Variants in GAB2 observed in about 807,000 individuals in gnomAD.
The protein encoded by GAB2 is GRB2 associated binding protein 2.
Under a neutral mutation model 65.5 loss-of-function variants are expected in GAB2, and 26 were observed. That is an observed-to-expected ratio of 0.40 (90% CI 0.29 to 0.55). The LOEUF is 0.55. Ranked by LOEUF, GAB2 falls within the 20% of genes least tolerant of loss-of-function variation. GAB2 has a pLI of 0.53. For synonymous variants in GAB2, 321 were observed against 329.6 expected (o/e 0.97, Z 0.28); for missense variants, 884 against 875.8 (o/e 1.01, Z -0.12).
Position 78,280,863 on chromosome 11 carries a change from C to T in GAB2, c.114G>A (p.Arg38=). The change falls in exon 2 of 10, where the codon CGG becomes CGA. Residue 38 remains arginine, a synonymous_variant. Coordinates refer to ENST00000361507, the MANE Select transcript of GAB2 (RefSeq NM_080491.3). ...KKRWFILRSG[R]MSGDPDVLEY... ...CCAGAACATCTGGGTCACCGCTCAT[C>T]CGGCCACTCCGCAGGATAAACCAGC... 1 of 1,614,154 alleles carries T rather than the reference C, an allele frequency of 6.2e-7. No individual in the cohort carries two copies. The highest frequency in any genetic ancestry group is 1.1e-5 in the South Asian group (1 of 91,084).
At chr11:78,361,088 T>C (rs1856429111) in intron 1 of GAB2, among the ~76,000 whole-genome samples, 1 of 152,196 alleles carries the variant, frequency 6.6e-6, no homozygotes, top group South Asian at 2.1e-4. Flanking sequence ...TGGTTACTAA[T>C]GCATAAAATG....
chr11:78,364,443 G>C lies in GAB2; in HGVS notation c.75+53203C>G, dbSNP rs374962930. On this transcript the variant is annotated intron_variant, in intron 1 of 9. Coordinates refer to ENST00000361507, the MANE Select transcript of GAB2 (RefSeq NM_080491.3). ...GTAGCACAGTATCTATAAATACAAT[G>C]AACTTAAAAGTTTCAATAAATATCC... Among the ~76,000 whole-genome samples the C allele has an allele frequency of 1.2e-4, 19 of 152,254 alleles. No individual in the cohort carries two copies. The East Asian group carries it at 3.7e-3, about 29-fold the overall frequency.
chr11:78,415,511 G>A (rs569237435), intron 1 of GAB2, among the ~76,000 whole-genome samples: 12 of 152,328 alleles, frequency 7.9e-5, no homozygotes, highest in African/African-American at 2.9e-4. Flanking sequence ...GAGGCTTAAG[G>A]TTACACATAT....
At chr11:78,403,838 T>A (rs1310728029) in intron 1 of GAB2, among the ~76,000 whole-genome samples, 1 of 152,080 alleles carries the variant, frequency 6.6e-6, no homozygotes, top group African/African-American at 2.4e-5. Context: ...AAACTACTCA[T>A]CTGACAAGGG....
chr11:78,300,695 G>GTTTTTTTTTTTTTTTTTTTTTT (rs769243672), intron 1 of GAB2, among the ~76,000 whole-genome samples: 1 of 113,252 alleles, frequency 8.8e-6, no homozygotes. Flanking sequence ...GTTTTTTTTT[G>GTTTTTTTTTTTTTTTTTTTTTT]TTTTTTTTTT....
chr11:78,251,817 A>AC (rs1185925816), intron 2 of GAB2, among the ~76,000 whole-genome samples: 1 of 152,172 alleles, frequency 6.6e-6, no homozygotes. Flanking sequence ...TCCTTGTCTA[A>AC]CCCATGGCTT....
In GAB2 at chr11:78,222,155, G is replaced by A. The variant is rs745538313; in HGVS notation, c.1608C>T (p.Ile536=). The A allele has an allele frequency of 2.7e-5, 44 of 1,613,870 alleles. No homozygotes were observed. The highest frequency in any genetic ancestry group is 3.4e-5 in the Non-Finnish European group (40 of 1,179,874). The change falls in exon 7 of 10, where the codon ATC becomes ATT. Residue 536 remains isoleucine (I), a synonymous_variant. Coordinates refer to ENST00000361507, the MANE Select transcript of GAB2 (RefSeq NM_080491.3). ...TPLDLRNNTV[I]DELPFKSPIT... Reference sequence around the variant, plus strand: ...TAGGTGACTTGAAGGGGAGTTCATCGATGACGGTGTTGTTCCTCAGGTCAA... The same window carrying A: ...TAGGTGACTTGAAGGGGAGTTCATCAATGACGGTGTTGTTCCTCAGGTCAA...
chr11:78,255,086 T>G (rs1865561146), intron 2 of GAB2, among the ~76,000 whole-genome samples: 2 of 152,118 alleles, frequency 1.3e-5, no homozygotes. Flanking sequence ...CCTCATCCAA[T>G]GAACTGGTAT....
In GAB2 at chr11:78,403,273, C is replaced by T. The variant is rs188260549; in HGVS notation, c.75+14373G>A. On this transcript the variant is annotated intron_variant, in intron 1 of 9. Coordinates refer to ENST00000361507, the MANE Select transcript of GAB2 (RefSeq NM_080491.3). ...AAAAACTGCTAGGGTTACCCTATAG[C>T]TTAAAAAGAAAATTAATAATTGCTT... Among the ~76,000 whole-genome samples, 632 of 152,284 alleles carry T rather than the reference C, an allele frequency of 4.2e-3. 3 individuals are homozygous for T. The highest frequency in any genetic ancestry group is 6.7e-3 in the Non-Finnish European group (453 of 68,008).
intron 1 of GAB2, among the ~76,000 whole-genome samples, chr11:78,343,419 G>A (rs1229090333): frequency 6.6e-6 from 1 of 150,802 alleles, no homozygotes; most frequent in Non-Finnish European, 1.5e-5. Flanking sequence ...GGAGGGAGGA[G>A]AGGGAGACAG....
At chr11:78,371,540 G>A (rs953776409) in intron 1 of GAB2, among the ~76,000 whole-genome samples, 2 of 152,152 alleles carry the variant, frequency 1.3e-5, no homozygotes, top group African/African-American at 2.4e-5. Context: ...ACAACCTCAC[G>A]TTATACTGCT....
At position 78,215,733 on chromosome 11, in the gene GAB2, C is replaced by G. The variant is rs1590929385; in HGVS notation, c.*3539G>C. 6.6e-6 allele frequency: 1 copy of G among 152,260 alleles called. No individual in the cohort carries two copies. The highest frequency in any genetic ancestry group is 2.1e-4 in the South Asian group (1 of 4,812). The allele number at this position is 152,260 out of a possible 1,614,324, so 9.4% of individuals were successfully genotyped here. A position where few individuals can be genotyped will look rare whatever the true frequency, so the allele number is the denominator to read the frequency against. ...CTCGGCAGGTACCCCATTGTGGTCC[C>G]AGGTCCTAAACAGCAGGGCTAGTCC... is the stretch of plus-strand genomic sequence containing the variant. On this transcript the variant is annotated 3_prime_UTR_variant, in exon 10 of 10. Coordinates refer to ENST00000361507, the MANE Select transcript of GAB2 (RefSeq NM_080491.3).
chr11:78,305,838 C>G (rs1855345332), intron 1 of GAB2, among the ~76,000 whole-genome samples: 2 of 152,184 alleles, frequency 1.3e-5, no homozygotes, highest in Admixed American at 6.5e-5. Context: ...CAAAAGTTTG[C>G]AGATTCCAAC....
At chr11:78,257,053 AATCAC>A (rs1427369677) in intron 2 of GAB2, among the ~76,000 whole-genome samples, 1 of 151,744 alleles carries the variant, frequency 6.6e-6, no homozygotes, top group Non-Finnish European at 1.5e-5. Context: ...GGCCCTACAG[AATCAC>A]TCCCCTTCCT....
At chr11:78,284,748 A>G (rs963886974) in intron 1 of GAB2, among the ~76,000 whole-genome samples, 2 of 151,678 alleles carry the variant, frequency 1.3e-5, no homozygotes, top group East Asian at 3.9e-4. Flanking sequence ...CCCCCAAAAG[A>G]TATCAATTTT....
intron 1 of GAB2, among the ~76,000 whole-genome samples, chr11:78,395,229 G>A (rs557841305): frequency 2.0e-4 from 30 of 152,350 alleles, no homozygotes; most frequent in African/African-American, 6.5e-4. Context: ...CAAGGCAGGC[G>A]GATCACATCA....
chr11:78,268,011 C>T (rs1195349174), intron 2 of GAB2, among the ~76,000 whole-genome samples: 2 of 152,074 alleles, frequency 1.3e-5, no homozygotes, highest in African/African-American at 4.8e-5. Context: ...CTGCAGGTCC[C>T]TGTTTTGAAA....
intron 5 of GAB2, 152 bp downstream of exon 5, chr11:78,224,956 C>T: frequency 1.7e-6 from 1 of 599,600 alleles, no homozygotes. Context: ...TCCAAAGACT[C>T]AACGCAGGGT....
chr11:78,282,318 T>A lies in GAB2; in HGVS notation c.76-1417A>T, dbSNP rs370089749. ...TTGACTGGCTGTGTGAATTTTTTTT[T>A]TTTTTTGAGACGGAGTTTCGCTCTG... On this transcript the variant is annotated intron_variant, in intron 1 of 9. Coordinates refer to ENST00000361507, the MANE Select transcript of GAB2 (RefSeq NM_080491.3). Among the ~76,000 whole-genome samples, 22 of 152,082 alleles carry A rather than the reference T, an allele frequency of 1.4e-4. No homozygotes were observed. In the East Asian group the frequency reaches 2.5e-3, roughly 17 times the overall value.
Sources: allele counts gnomAD v4.1 joint callset (sites outside exome capture counted in the v4.1 genomes callset), GRCh38; gene constraint gnomAD v4.1.1; transcripts MANE v1.5; gene names NCBI Gene and HGNC (gene_info 2026-07-23, HGNC 2026-07-21).